CENPQ: variants seen among roughly 807,000 people sequenced by gnomAD.
CENPQ encodes chromosome 6 open reading frame 139.
A neutral mutation model predicts 36.6 loss-of-function variants in CENPQ; 27 were observed. The observed-to-expected ratio is 0.74, with a 90% CI of 0.54 to 1.02. CENPQ has a LOEUF of 1.02. CENPQ is among the 50% of genes least tolerant of loss of function. The pLI is 0.00. For synonymous variants in CENPQ, 101 were observed against 101.7 expected, an observed-to-expected ratio of 0.99 and a Z score of 0.04; for missense variants, 306 against 301.8, an observed-to-expected ratio of 1.01 and a Z score of -0.10.
intron 5 of CENPQ, among the ~76,000 whole-genome samples, chr6:49,474,824 A>T (rs1048486006): frequency 9.2e-5 from 14 of 152,204 alleles, no homozygotes; most frequent in Non-Finnish European, 1.3e-4. Context: ...GATAAAAGGG[A>T]TATCACCACT....
chr6:49,473,486 C>T (rs998742564), intron 5 of CENPQ, among the ~76,000 whole-genome samples: 4 of 152,040 alleles, frequency 2.6e-5, no homozygotes, highest in Admixed American at 2.0e-4. Flanking sequence ...ATTTTGTCAC[C>T]ACCAGGCCTG....
chr6:49,475,316 C>T (rs1199744508), intron 5 of CENPQ, among the ~76,000 whole-genome samples: 1 of 152,088 alleles, frequency 6.6e-6, no homozygotes. Context: ...AAACCAAAAA[C>T]AAAAACCACA....
At chr6:49,490,108 C>G (rs779440040) in intron 8 of CENPQ, among the ~76,000 whole-genome samples, 9 of 152,214 alleles carry the variant, frequency 5.9e-5, no homozygotes, top group Non-Finnish European at 1.3e-4. Flanking sequence ...ATTGCCTTCT[C>G]TTTTCCAACT....
intron 1 of CENPQ, among the ~76,000 whole-genome samples, chr6:49,466,126 GGA>G (rs1174407094): frequency 1.3e-5 from 2 of 152,178 alleles, no homozygotes; most frequent in African/African-American, 4.8e-5. Flanking sequence ...CTAAGGAGAG[GGA>G]GAGAGGCAGG....
At chr6:49,488,287 A>G (rs1768636214) in intron 6 of CENPQ, 65 bp from the exon 7 acceptor site, 1 of 1,256,848 alleles carries the variant, frequency 8.0e-7, no homozygotes, top group Non-Finnish European at 1.1e-6. Flanking sequence ...GTATAACAAT[A>G]TCTATTAGGA....
chr6:49,481,001 A>T lies in CENPQ; in HGVS notation c.398A>T (p.Asp133Val), dbSNP rs1206565392. The T allele has an allele frequency of 1.1e-5, 17 of 1,609,942 alleles. No homozygotes were observed. Among genetic ancestry groups the T allele is most frequent in the Non-Finnish European group, 1.4e-5 (16 of 1,177,438 alleles). The change falls in exon 6 of 9, where the codon GAT (aspartate) becomes GTT (valine). Residue 133 changes from aspartate to valine, a missense_variant. By Grantham distance (152) the Asp-to-Val change is radical (BLOSUM62 -3). Coordinates refer to ENST00000335783, the MANE Select transcript of CENPQ (RefSeq NM_018132.4). ...TLKVPPKKMEDLTNVSSLLNM... is the reference protein window; with the variant it reads ...TLKVPPKKMEVLTNVSSLLNM... The stretch of plus-strand genomic sequence containing the variant: ...AAAGTCCCTCCCAAAAAGATGGAAG[A>T]TTTAACTAATGTATCAAGTCTACTG...
At chr6:49,490,005 A>T (rs1436138727) in intron 8 of CENPQ, among the ~76,000 whole-genome samples, 4 of 152,240 alleles carry the variant, frequency 2.6e-5, no homozygotes, top group African/African-American at 7.2e-5. Flanking sequence ...CAGAATGATC[A>T]GTGAGCATTG....
chr6:49,492,007 A>G (rs970745073), intron 8 of CENPQ, 137 bp from the exon 9 acceptor site: 5 of 650,436 alleles, frequency 7.7e-6, no homozygotes, highest in African/African-American at 7.5e-5. Flanking sequence ...ATTTGAAAGA[A>G]GAATGGCGAT....
intron 6 of CENPQ, among the ~76,000 whole-genome samples, chr6:49,486,446 C>A (rs1447881601): frequency 6.6e-6 from 1 of 152,170 alleles, no homozygotes. Context: ...GCTGAGGAAC[C>A]AGTTAAACTT....
chr6:49,481,356 G>A (rs1458975259), intron 6 of CENPQ, among the ~76,000 whole-genome samples: 2 of 152,058 alleles, frequency 1.3e-5, no homozygotes, highest in African/African-American at 2.4e-5. Flanking sequence ...GAATGAAGCT[G>A]CGGACCCTCG....
intron 6 of CENPQ, among the ~76,000 whole-genome samples, chr6:49,484,965 T>C (rs926120965): frequency 1.3e-5 from 2 of 152,206 alleles, no homozygotes; most frequent in South Asian, 2.1e-4. Context: ...TCATAAATGA[T>C]AGTGTGATTT....
intron 6 of CENPQ, among the ~76,000 whole-genome samples, chr6:49,487,169 A>T (rs1231123684): frequency 0.14 from 42 of 300 alleles, 8 homozygotes; most frequent in Admixed American, 0.5. Flanking sequence ...AAAAAAAAAA[A>T]TAAAAAAAAT....
In CENPQ at chr6:49,492,146, A is replaced by G. The variant is rs1768735166; in HGVS notation, c.678A>G (p.Lys226=). Residue 226 remains lysine, a splice_region_variant and synonymous_variant, in exon 9 of 9, where the codon AAA becomes AAG. Coordinates refer to ENST00000335783, the MANE Select transcript of CENPQ (RefSeq NM_018132.4). ...QKTLKAPTLQ[K]EILALIPNQN... The stretch of plus-strand genomic sequence containing the variant: ...ATTTAATACTATCTTTCCCACAGAA[A>G]GAAATTTTGGCGCTAATTCCAAACC... The G allele has an allele frequency of 1.1e-5, 18 of 1,596,092 alleles. No individual in the cohort carries two copies. Among genetic ancestry groups the G allele is most frequent in the African/African-American group, 4.1e-5 (3 of 73,950 alleles).
At chr6:49,482,929 T>C (rs1182956143) in intron 6 of CENPQ, among the ~76,000 whole-genome samples, 1 of 152,128 alleles carries the variant, frequency 6.6e-6, no homozygotes, top group Non-Finnish European at 1.5e-5. Context: ...AAAGGCAGCG[T>C]GGACCCAAAG....
rs140237607 is a variant in CENPQ at position 49,488,629 on chromosome 6, G to C, written c.620G>C (p.Gly207Ala). 9 of 1,613,434 alleles carry C rather than the reference G, an allele frequency of 5.6e-6. No homozygotes were observed. The African/African-American group carries it at 6.7e-5, about 12-fold the overall frequency. The change falls in exon 8 of 9, where the codon GGA (glycine) becomes GCA (alanine). Residue 207 changes from glycine to alanine, a missense_variant. By Grantham distance (60) the Gly-to-Ala change is moderately conservative (BLOSUM62 0). Coordinates refer to ENST00000335783, the MANE Select transcript of CENPQ (RefSeq NM_018132.4). ...VKQMHQINSSGVLSLPELSQK... is the reference protein window; with the variant it reads ...VKQMHQINSSAVLSLPELSQK... The stretch of plus-strand genomic sequence containing the variant: ...TAGATGCATCAAATAAATAGTAGTG[G>C]AGTACTCTCTCTTCCGGAACTTTCT...
chr6:49,472,045 T>C lies in CENPQ; in HGVS notation c.158-18T>C. 6.2e-7 allele frequency: 1 copy of C among 1,601,872 alleles called. No individual in the cohort carries two copies. Among genetic ancestry groups the C allele is most frequent in the Admixed American group, 1.7e-5 (1 of 57,278 alleles). ...AAACATCTAGATTGATCAGAGCCTC[T>C]TCTATTACTAACGACAGGACAAACA... On this transcript the variant is annotated intron_variant, in intron 3 of 8. Coordinates refer to ENST00000335783, the MANE Select transcript of CENPQ (RefSeq NM_018132.4).
intron 2 of CENPQ, among the ~76,000 whole-genome samples, 164 bp downstream of exon 2, chr6:49,470,442 A>C (rs1768102386): frequency 6.6e-6 from 1 of 151,214 alleles, no homozygotes; most frequent in South Asian, 2.1e-4. Context: ...TCTCTACTTA[A>C]AAAAAACAAA....
At chr6:49,478,975 G>C (rs1768366756) in intron 5 of CENPQ, among the ~76,000 whole-genome samples, 2 of 152,162 alleles carry the variant, frequency 1.3e-5, no homozygotes, top group Non-Finnish European at 2.9e-5. Flanking sequence ...AGCAGTGAAT[G>C]ACTCTTCCAC....
chr6:49,477,074 A>G (rs886751179), intron 5 of CENPQ, among the ~76,000 whole-genome samples: 8 of 152,222 alleles, frequency 5.3e-5, no homozygotes, highest in African/African-American at 1.7e-4. Context: ...TACTGGGTAT[A>G]TACTCAAAGG....
Sources: allele counts gnomAD v4.1 joint callset (sites outside exome capture counted in the v4.1 genomes callset), GRCh38; gene constraint gnomAD v4.1.1; transcripts MANE v1.5; gene names NCBI Gene and HGNC (gene_info 2026-07-23, HGNC 2026-07-21).